Variants in CCDC73 observed in about 807,000 individuals in gnomAD.
CCDC73 encodes the protein coiled-coil domain containing 73, also known as coiled-coil domain-containing protein 73.
Under a neutral mutation model 116.5 loss-of-function variants are expected in CCDC73, and 95 were observed. The ratio of observed to expected loss-of-function variants is 0.82; its 90% confidence interval spans 0.69 to 0.97. The LOEUF (loss-of-function observed/expected upper bound fraction) is 0.97, where lower values mean the gene tolerates loss of function less well. Among genes scored for constraint, CCDC73 ranks in the 50% least tolerant of loss-of-function variants. CCDC73 has a pLI of 0.00. For synonymous variants in CCDC73, 398 were observed against 401.3 expected, an observed-to-expected ratio of 0.99 and a Z score of 0.10; for missense variants, 1,066 against 1,206.8, an observed-to-expected ratio of 0.88 and a Z score of 1.73.
At chr11:32,683,394 C>A (rs1018832608) in intron 7 of CCDC73, 142 bp downstream of exon 7, 9 of 652,714 alleles carry the variant, frequency 1.4e-5, no homozygotes, top group African/African-American at 1.1e-4. Context: ...TGCAAATATC[C>A]CCTTTCATAT....
chr11:32,827,142 G>C, the CCDC73 span, among the ~76,000 whole-genome samples: 1 of 152,294 alleles, frequency 6.6e-6, no homozygotes. Context: ...GAGGTTACAG[G>C]TGTGAGCCAC....
In CCDC73 at chr11:32,778,975, T is replaced by A. The variant is rs963426234; in HGVS notation, c.-16+15638A>T. ...ATGGAAGGAGCAAATAAGCAAAGCATATGGTAATCAATCCTATGGTCTTAA... is the reference window on the plus strand; with the variant it reads ...ATGGAAGGAGCAAATAAGCAAAGCAAATGGTAATCAATCCTATGGTCTTAA... On this transcript the variant is annotated intron_variant, in intron 1 of 17. Coordinates refer to ENST00000335185, the MANE Select transcript of CCDC73 (RefSeq NM_001008391.4). Among the ~76,000 whole-genome samples, 19 of 152,236 alleles carry A rather than the reference T, an allele frequency of 1.2e-4. 1 individual carries two copies. The highest frequency in any genetic ancestry group is 4.6e-4 in the African/African-American group (19 of 41,530).
intron 1 of CCDC73, among the ~76,000 whole-genome samples, chr11:32,782,721 G>C (rs1171745411): frequency 6.6e-6 from 1 of 152,022 alleles, no homozygotes; most frequent in South Asian, 2.1e-4. Context: ...CTTATCCATA[G>C]TGTTCAGTAC....
intron 1 of CCDC73, among the ~76,000 whole-genome samples, chr11:32,784,430 A>T (rs1850609746): frequency 6.6e-6 from 1 of 152,228 alleles, no homozygotes; most frequent in South Asian, 2.1e-4. Context: ...AACCACATTT[A>T]TGATTATGTT....
At chr11:32,804,283 C>T in the CCDC73 span, among the ~76,000 whole-genome samples, 5 of 152,156 alleles carry the variant, frequency 3.3e-5, no homozygotes, top group Admixed American at 6.5e-5. Flanking sequence ...GGACTACAGG[C>T]GCACACCACA....
chr11:32,683,188 T>C, intron 7 of CCDC73: 1 of 295,434 alleles, frequency 3.4e-6, no homozygotes, highest in South Asian at 3.0e-5. Flanking sequence ...GGGTTAAGCA[T>C]CTCAAATGCA....
chr11:32,669,461 T>C (rs1033708063), intron 9 of CCDC73, among the ~76,000 whole-genome samples: 1 of 152,210 alleles, frequency 6.6e-6, no homozygotes, highest in African/African-American at 2.4e-5. Context: ...GTTTGTGTTA[T>C]AAAAAATCCA....
intron 10 of CCDC73, among the ~76,000 whole-genome samples, chr11:32,654,635 A>G (rs762211071): frequency 1.3e-5 from 2 of 152,218 alleles, no homozygotes; most frequent in Non-Finnish European, 2.9e-5. Context: ...ATTACTCAAA[A>G]CCATATTCAA....
At chr11:32,822,637 A>C in the CCDC73 span, among the ~76,000 whole-genome samples, 1 of 152,214 alleles carries the variant, frequency 6.6e-6, no homozygotes, top group Non-Finnish European at 1.5e-5. Flanking sequence ...TTTTATTTAC[A>C]TAAGTGGCAA....
rs952523613 is a variant in CCDC73, at chr11:32,768,207, C to A, written c.-15-7949G>T. ...TGAAGCTGGAAACCATCATTCTCAG[C>A]AAACTATCACAAGGACAGAAAACCA... On this transcript the variant is annotated intron_variant, in intron 1 of 17. Coordinates refer to ENST00000335185, the MANE Select transcript of CCDC73 (RefSeq NM_001008391.4). Among the ~76,000 whole-genome samples the A allele has an allele frequency of 2.6e-5, 4 of 152,162 alleles. No individual in the cohort carries two copies. The East Asian group carries it at 5.8e-4, about 22-fold the overall frequency.
the CCDC73 span, among the ~76,000 whole-genome samples, chr11:32,819,743 G>A: frequency 2.0e-5 from 3 of 152,188 alleles, no homozygotes; most frequent in Non-Finnish European, 4.4e-5. Context: ...TTACAGGCGT[G>A]AGCCACTATA....
intron 1 of CCDC73, among the ~76,000 whole-genome samples, chr11:32,774,708 AC>A (rs35075571): frequency 6.6e-6 from 1 of 152,218 alleles, no homozygotes. Flanking sequence ...AACAAATAAT[AC>A]CCAACTTAAT....
chr11:32,749,136 C>CCT (rs979102464), intron 2 of CCDC73, among the ~76,000 whole-genome samples: 7 of 151,940 alleles, frequency 4.6e-5, no homozygotes, highest in South Asian at 4.2e-4. Context: ...ACTTTCTACT[C>CCT]CTCTCTCTCT....
Position 32,613,916 on chromosome 11 carries a change from C to T in CCDC73, c.2402G>A (p.Cys801Tyr), listed in dbSNP as rs1366634748. The T allele has an allele frequency of 3.1e-6, 5 of 1,612,286 alleles. No homozygotes were observed. Among genetic ancestry groups the T allele is most frequent in the African/African-American group, 2.7e-5 (2 of 74,904 alleles). ...DVKTAVHMKT[C>Y]TETEFSNKKN... ...TTTATTGGAAAACTCTGTTTCTGTG[C>T]AAGTTTTCATGTGAACAGCAGTTTT... Residue 801 changes from cysteine to tyrosine, a missense_variant, in exon 16 of 18, where the codon TGC becomes TAC. Cys to Tyr is a radical substitution (Grantham distance 194). Transcript: ENST00000335185.
At chr11:32,718,300 T>A (rs889815331) in intron 2 of CCDC73, among the ~76,000 whole-genome samples, 153 bp from the exon 3 acceptor site, 5 of 152,120 alleles carry the variant, frequency 3.3e-5, no homozygotes, top group Non-Finnish European at 7.3e-5. Flanking sequence ...GACAAGTCCA[T>A]CATAGAACTG....
At chr11:32,617,473 C>G (rs962167406) in intron 14 of CCDC73, among the ~76,000 whole-genome samples, 2 of 152,084 alleles carry the variant, frequency 1.3e-5, no homozygotes, top group Non-Finnish European at 2.9e-5. Context: ...TTCCATGAAC[C>G]ACTGATAAGT....
intron 2 of CCDC73, among the ~76,000 whole-genome samples, chr11:32,749,635 T>A (rs1850269394): frequency 6.6e-6 from 1 of 152,068 alleles, no homozygotes; most frequent in South Asian, 2.1e-4. Context: ...GTCTTCACAG[T>A]CTGGCCTTTT....
the CCDC73 span, among the ~76,000 whole-genome samples, chr11:32,803,502 G>A: frequency 2.0e-5 from 3 of 152,102 alleles, no homozygotes; most frequent in African/African-American, 4.8e-5. Context: ...TTAGTTCATA[G>A]GATTCAATTA....
the CCDC73 span, among the ~76,000 whole-genome samples, chr11:32,800,668 A>C: frequency 6.6e-6 from 1 of 152,184 alleles, no homozygotes; most frequent in East Asian, 1.9e-4. Context: ...ATTAAGATGG[A>C]AACTTCAGAG....
Sources: gnomAD v4.1 joint callset for allele counts (sites outside exome capture counted in the v4.1 genomes callset) on GRCh38, gnomAD v4.1.1 for gene constraint, MANE v1.5 for transcripts, NCBI Gene and HGNC (gene_info 2026-07-23, HGNC 2026-07-21) for gene names.